The following CSMD1 variants were observed in gnomAD, a reference collection of about 807,000 sequenced individuals.
CSMD1 encodes the protein CUB and Sushi multiple domains 1, also known as CUB and sushi domain-containing protein 1.
Under a neutral mutation model 417.5 loss-of-function variants are expected in CSMD1, and 213 were observed. The observed-to-expected ratio is 0.51, with a 90% confidence interval of 0.46 to 0.57. The LOEUF is 0.57. Among genes scored for constraint, CSMD1 ranks in the 20% least tolerant of loss-of-function variants. The pLI, the probability that CSMD1 is intolerant of heterozygous loss-of-function variation, is 0.00. For missense variants in CSMD1, 6,923 were observed against 4,529.7 expected (o/e 1.53, Z -15.17); for synonymous variants, 2,862 against 1,736.8 (o/e 1.65, Z -16.11).
intron 11 of CSMD1, among the ~76,000 whole-genome samples, chr8:3,480,483 A>G (rs1817680884): frequency 6.6e-6 from 1 of 152,230 alleles, no homozygotes; most frequent in Non-Finnish European, 1.5e-5. Context: ...TTAGAATTCC[A>G]AAAGGAGACG....
rs1392034148 is a variant in CSMD1, at chr8:4,078,862, C to G, written c.416-46763G>C. Among the ~76,000 whole-genome samples the G allele has an allele frequency of 8.1e-5, 11 of 135,970 alleles. No individual in the cohort carries two copies. The East Asian group carries it at 1.9e-3, about 24-fold the overall frequency. The allele number at this position is 135,970 out of a possible 152,430, so 89.2% of individuals were successfully genotyped here. ...ATTATGTTGGCCAACGTAGTGAAAACCTGTCTCTACTAAAATTAATAATAA... is the reference window on the plus strand; with the variant it reads ...ATTATGTTGGCCAACGTAGTGAAAAGCTGTCTCTACTAAAATTAATAATAA... On this transcript the variant is annotated intron_variant, in intron 3 of 69. Coordinates refer to ENST00000635120, the MANE Select transcript of CSMD1 (RefSeq NM_033225.6).
chr8:4,345,673 G>A (rs568026533), intron 3 of CSMD1, among the ~76,000 whole-genome samples: 2 of 152,088 alleles, frequency 1.3e-5, no homozygotes, highest in Admixed American at 1.3e-4. Context: ...CCTTTCTCAA[G>A]ATATGAAATG....
At chr8:4,615,826 A>G (rs1005063108) in intron 2 of CSMD1, among the ~76,000 whole-genome samples, 2 of 152,172 alleles carry the variant, frequency 1.3e-5, no homozygotes, top group African/African-American at 4.8e-5. Flanking sequence ...ATAATCTATC[A>G]AAACCTTCCT....
chr8:3,209,270 T>C (rs1797466809), intron 30 of CSMD1, among the ~76,000 whole-genome samples: 1 of 143,350 alleles, frequency 7.0e-6, no homozygotes. Flanking sequence ...ATGGATAGAA[T>C]TTTTATTTAT....
chr8:3,981,856 G>A (rs1813896770), intron 5 of CSMD1, among the ~76,000 whole-genome samples: 1 of 152,132 alleles, frequency 6.6e-6, no homozygotes, highest in Admixed American at 6.6e-5. Context: ...TTGCTGCAGG[G>A]AGTAATGCAG....
intron 3 of CSMD1, among the ~76,000 whole-genome samples, chr8:4,149,374 TA>T (rs919440611): frequency 5.9e-5 from 9 of 152,172 alleles, no homozygotes; most frequent in African/African-American, 1.9e-4. Context: ...TTTGGTATAA[TA>T]AAACCAATAT....
chr8:4,729,568 G>C (rs977020266), intron 1 of CSMD1, among the ~76,000 whole-genome samples: 2 of 152,102 alleles, frequency 1.3e-5, no homozygotes, highest in Non-Finnish European at 2.9e-5. Flanking sequence ...GGCAAATTTC[G>C]ATATTGCTAG....
At chr8:4,555,409 G>A (rs747630266) in intron 2 of CSMD1, among the ~76,000 whole-genome samples, 2 of 152,120 alleles carry the variant, frequency 1.3e-5, no homozygotes, top group African/African-American at 2.4e-5. Context: ...CTCCAGCGCA[G>A]GTGCATGGAG....
intron 3 of CSMD1, among the ~76,000 whole-genome samples, chr8:4,276,662 C>T (rs1479123219): frequency 6.6e-6 from 1 of 152,106 alleles, no homozygotes; most frequent in Non-Finnish European, 1.5e-5. Context: ...TCTTATTTTC[C>T]TTCTGGTCAT....
chr8:3,423,739 C>T (rs1043281441), intron 12 of CSMD1, among the ~76,000 whole-genome samples: 5 of 152,112 alleles, frequency 3.3e-5, no homozygotes, highest in Admixed American at 6.5e-5. Context: ...TTATTTCACT[C>T]GGGTGAACAC....
chr8:4,560,329 G>A lies in CSMD1; in HGVS notation c.302+77013C>T, dbSNP rs80117168. Reference sequence around the variant, plus strand: ...TTGAAGACAAAACAGGATACAGCACGTGGTCTCCTACATGTGTTGCCTGAG... The same window carrying A: ...TTGAAGACAAAACAGGATACAGCACATGGTCTCCTACATGTGTTGCCTGAG... On this transcript the variant is annotated intron_variant, in intron 2 of 69. Transcript: ENST00000635120. 2.4e-3 allele frequency among the ~76,000 whole-genome samples: 362 copies of A among 152,308 alleles called. 2 individuals are homozygous for A. In the East Asian group the frequency reaches 0.056, roughly 24 times the overall value.
chr8:4,706,210 A>T (rs1193059580), intron 1 of CSMD1, among the ~76,000 whole-genome samples: 1 of 151,706 alleles, frequency 6.6e-6, no homozygotes, highest in Non-Finnish European at 1.5e-5. Flanking sequence ...AATATTTCTA[A>T]TATCTGGCAA....
intron 26 of CSMD1, among the ~76,000 whole-genome samples, chr8:3,240,857 C>T (rs950796797): frequency 3.5e-4 from 53 of 151,948 alleles, no homozygotes; most frequent in African/African-American, 1.1e-3. Context: ...ACAGGTAAAA[C>T]GGGGGAATTG....
intron 2 of CSMD1, among the ~76,000 whole-genome samples, chr8:4,595,862 T>C (rs1194835885): frequency 6.6e-6 from 1 of 152,188 alleles, no homozygotes; most frequent in Non-Finnish European, 1.5e-5. Context: ...ACATGGATCT[T>C]CCATTCCTTC....
chr8:2,963,115 A>C (rs761201337), intron 60 of CSMD1, 107 bp downstream of exon 60: 1 of 1,242,966 alleles, frequency 8.0e-7, no homozygotes, highest in Non-Finnish European at 1.1e-6. Context: ...TAGGGCTATT[A>C]TTACCCACCA....
At position 3,352,354 on chromosome 8, in the gene CSMD1, G is replaced by A. The variant is rs758742574; in HGVS notation, c.3305-4193C>T. Among the ~76,000 whole-genome samples, 119 of 152,124 alleles carry A rather than the reference G, an allele frequency of 7.8e-4. 2 individuals carry two copies. The highest frequency in any genetic ancestry group is 2.8e-4 in the Non-Finnish European group (19 of 68,032). ...AAGACTTTAAACAAAAACACAGAAG[G>A]TATAGATGTTGTGAAGATTGACTTG... is the stretch of plus-strand genomic sequence containing the variant. On this transcript the variant is annotated intron_variant, in intron 21 of 69. Coordinates refer to ENST00000635120, the MANE Select transcript of CSMD1 (RefSeq NM_033225.6).
intron 3 of CSMD1, among the ~76,000 whole-genome samples, chr8:4,075,065 C>T (rs1437644155): frequency 2.6e-5 from 4 of 152,070 alleles, no homozygotes; most frequent in African/African-American, 9.7e-5. Context: ...AATGCTCATA[C>T]AGTGAATAAT....
chr8:4,974,567 T>A (rs189499185), intron 1 of CSMD1, among the ~76,000 whole-genome samples: 2 of 152,112 alleles, frequency 1.3e-5, no homozygotes, highest in African/African-American at 4.8e-5. Context: ...TGAAAAAAGA[T>A]TGGAGTCGAC....
At chr8:3,213,888 T>A (rs997930489) in intron 30 of CSMD1, among the ~76,000 whole-genome samples, 1 of 151,336 alleles carries the variant, frequency 6.6e-6, no homozygotes, top group Middle Eastern at 3.4e-3. Context: ...GATGGAGTCT[T>A]GCTCTGTCAC....
Sources: allele counts gnomAD v4.1 joint callset (sites outside exome capture counted in the v4.1 genomes callset), GRCh38; gene constraint gnomAD v4.1.1; transcripts MANE v1.5; gene names NCBI Gene and HGNC (gene_info 2026-07-23, HGNC 2026-07-21).